Variants in MAPK8IP3 observed in about 807,000 individuals in gnomAD.
The protein encoded by MAPK8IP3 is mitogen-activated protein kinase 8 interacting protein 3.
A neutral mutation model predicts 157.8 loss-of-function variants in MAPK8IP3; 49 were observed. The observed-to-expected ratio is 0.31, with a 90% CI of 0.25 to 0.39. The LOEUF is 0.39. Among genes scored for constraint, MAPK8IP3 ranks in the 10% least tolerant of loss-of-function variants. The pLI, the probability that MAPK8IP3 is intolerant of heterozygous loss-of-function variation, is 1.00. For synonymous variants in MAPK8IP3, 897 were observed against 777.7 expected, an observed-to-expected ratio of 1.15 and a Z score of -2.55; for missense variants, 1,478 against 1,889.4, an observed-to-expected ratio of 0.78 and a Z score of 4.04.
intron 1 of MAPK8IP3, among the ~76,000 whole-genome samples, chr16:1,718,661 G>A (rs1367727309): frequency 1.3e-5 from 2 of 151,822 alleles, no homozygotes; most frequent in Non-Finnish European, 2.9e-5. Flanking sequence ...GGGCATGGTG[G>A]TGGGCACCTG....
chr16:1,712,054 T>G (rs1284689526), intron 1 of MAPK8IP3, among the ~76,000 whole-genome samples: 17 of 103,454 alleles, frequency 1.6e-4, no homozygotes, highest in Non-Finnish European at 3.2e-4. Context: ...AGGAGTTCTT[T>G]TTTTTTTTTT....
rs1419974123 is a variant in MAPK8IP3 at position 1,724,288 on chromosome 16, C to T, written c.319-269C>T. ...AATTGGAAACAACAGGCTCCCTTCA[C>T]AGCAAATCCTCCCGGGAGAGGAGGG... On this transcript the variant is annotated intron_variant, in intron 1 of 31. Transcript: ENST00000610761. The surrounding 1 kb of genome is among the most constrained non-coding windows in gnomAD (Gnocchi z 4.1). Among the ~76,000 whole-genome samples, 3 of 152,258 alleles carry T rather than the reference C, an allele frequency of 2.0e-5. No homozygotes were observed. Among genetic ancestry groups the T allele is most frequent in the Non-Finnish European group, 4.4e-5 (3 of 68,046 alleles).
chr16:1,760,805 G>C (rs1042278929), intron 12 of MAPK8IP3, among the ~76,000 whole-genome samples: 1 of 152,210 alleles, frequency 6.6e-6, no homozygotes, highest in Admixed American at 6.5e-5. Flanking sequence ...GATCAGCCAA[G>C]GTTTGGCCAC....
At position 1,766,916 on chromosome 16, in the gene MAPK8IP3, C is replaced by A; in HGVS notation, c.3033C>A (p.Gly1011=). The A allele has an allele frequency of 2.5e-6, 4 of 1,601,134 alleles. No homozygotes were observed. Among genetic ancestry groups the A allele is most frequent in the Non-Finnish European group, 3.4e-6 (4 of 1,172,058 alleles). ...DSVLSLVHVK[G]RVLVALADGT... Reference sequence around the variant, plus strand: ...ATTCCTGTTTCAGGCATGTCAAAGGCCGTGTGCTGGTGGCTCTGGCGGACG... The same window carrying A: ...ATTCCTGTTTCAGGCATGTCAAAGGACGTGTGCTGGTGGCTCTGGCGGACG... The change falls in exon 25 of 32, where the codon GGC becomes GGA. Residue 1011 remains glycine, a synonymous_variant. Transcript: ENST00000610761.
chr16:1,757,583 CCCT>C (rs2041683278), intron 8 of MAPK8IP3, among the ~76,000 whole-genome samples: 1 of 152,204 alleles, frequency 6.6e-6, no homozygotes, highest in South Asian at 2.1e-4. Context: ...CGCTCCCCAG[CCCT>C]CCTCTGCTTT....
At chr16:1,734,047 G>T (rs1170737134) in intron 4 of MAPK8IP3, among the ~76,000 whole-genome samples, 1 of 152,258 alleles carries the variant, frequency 6.6e-6, no homozygotes, top group East Asian at 1.9e-4. Context: ...CTGTGGGAGA[G>T]GGAGGGGTCT....
chr16:1,757,537 G>A (rs1197377257), intron 8 of MAPK8IP3, among the ~76,000 whole-genome samples: 9 of 152,174 alleles, frequency 5.9e-5, no homozygotes, highest in Admixed American at 5.9e-4. Context: ...GTGCAGGGAG[G>A]GGCCAGGACC....
chr16:1,744,689 G>C (rs1036151505), intron 5 of MAPK8IP3: 1 of 985,350 alleles, frequency 1.0e-6, no homozygotes, highest in Non-Finnish European at 1.2e-6. Context: ...CTTGCTTGAC[G>C]CTCTCTGGCC....
chr16:1,745,919 G>C (rs1394044960), intron 5 of MAPK8IP3: 1 of 152,340 alleles, frequency 6.6e-6, no homozygotes, highest in African/African-American at 2.4e-5. Context: ...GCAGAGGTCA[G>C]CACTGGCCAT....
intron 8 of MAPK8IP3, among the ~76,000 whole-genome samples, chr16:1,753,449 A>ATT (rs200777924): frequency 6.7e-6 from 1 of 150,142 alleles, no homozygotes; most frequent in African/African-American, 2.5e-5. Context: ...TTATTTATTT[A>ATT]TTTATTTTTG....
In MAPK8IP3 at chr16:1,761,215, T is replaced by C; in HGVS notation, c.1458-9T>C. On this transcript the variant is annotated splice_polypyrimidine_tract_variant and intron_variant, in intron 12 of 31. Coordinates refer to ENST00000610761, the MANE Select transcript of MAPK8IP3 (RefSeq NM_001318852.2). ...CCTCACCCTCCCTGCCTCCTTCCCC[T>C]TCCCACAGAGTGAAGTCCGAGGCCA... is the stretch of plus-strand genomic sequence containing the variant. The C allele has an allele frequency of 6.2e-7, 1 of 1,612,986 alleles. No individual in the cohort carries two copies. The highest frequency in any genetic ancestry group is 1.3e-5 in the African/African-American group (1 of 75,008).
chr16:1,768,668 G>T, intron 31 of MAPK8IP3, 35 bp from the exon 32 acceptor site: 2 of 1,611,108 alleles, frequency 1.2e-6, no homozygotes, highest in Non-Finnish European at 1.7e-6. Context: ...GGGCGCGGGG[G>T]GAGCCTGGCC....
Position 1,768,986 on chromosome 16 carries a change from G to T in MAPK8IP3, c.*162G>T. The T allele has an allele frequency of 2.6e-6, 2 of 781,612 alleles. No individual in the cohort carries two copies. Among genetic ancestry groups the T allele is most frequent in the Non-Finnish European group, 2.0e-6 (1 of 495,440 alleles). The allele number at this position is 781,612 out of a possible 1,614,324, so 48.4% of individuals were successfully genotyped here. On this transcript the variant is annotated 3_prime_UTR_variant, in exon 32 of 32. Transcript: ENST00000610761. ...CCCTCCAGCGGGCAGGGAGTGCGGG[G>T]ATGCGGATCAGCTGGGAGGAGGAGG...
At chr16:1,763,618 A>T (rs1050241690) in intron 16 of MAPK8IP3, 39 bp from the exon 17 acceptor site, 2 of 1,496,424 alleles carry the variant, frequency 1.3e-6, no homozygotes, top group Non-Finnish European at 1.8e-6. Context: ...GGGGCCGCTC[A>T]CCCTGGACAG....
At chr16:1,767,325 G>T in intron 26 of MAPK8IP3, 28 bp downstream of exon 26, 1 of 1,611,544 alleles carries the variant, frequency 6.2e-7, no homozygotes. Flanking sequence ...CCCCGGGGAG[G>T]GGAAGAGGCT....
intron 5 of MAPK8IP3, 77 bp from the exon 6 acceptor site, chr16:1,746,952 C>G: frequency 6.5e-7 from 1 of 1,531,854 alleles, no homozygotes; most frequent in Non-Finnish European, 8.8e-7. Flanking sequence ...TGCGCGGGGC[C>G]TCAGGCAGCC....
chr16:1,706,231 C>CA lies in MAPK8IP3; in HGVS notation c.-108dup. ...CGGCGGCGGCGGAGCCCTGAGGCGA[C>CA]AGCAGCTGCGGGAGGCGACGGGCTG... On this transcript the variant is annotated 5_prime_UTR_variant, in exon 1 of 32. Transcript: ENST00000610761. The surrounding 1 kb of genome is among the most constrained non-coding windows in gnomAD (Gnocchi z 5.1). The CA allele has an allele frequency of 9.8e-7, 1 of 1,024,738 alleles. No individual in the cohort carries two copies. Among genetic ancestry groups the CA allele is most frequent in the Non-Finnish European group, 1.3e-6 (1 of 762,640 alleles). The allele number at this position is 1,024,738 out of a possible 1,614,324, so 63.5% of individuals were successfully genotyped here.
At chr16:1,760,642 C>A in intron 12 of MAPK8IP3, 110 bp downstream of exon 12, 1 of 1,337,668 alleles carries the variant, frequency 7.5e-7, no homozygotes, top group East Asian at 2.5e-5. Flanking sequence ...CTGTGCATAG[C>A]CTACCTACCT....
At chr16:1,739,143 T>TGA in intron 4 of MAPK8IP3, among the ~76,000 whole-genome samples, 1 of 135,370 alleles carries the variant, frequency 7.4e-6, no homozygotes, top group Non-Finnish European at 1.6e-5. Context: ...TGACCGTCCG[T>TGA]GTGTGTGACC....
Sources: gnomAD v4.1 joint callset for allele counts (sites outside exome capture counted in the v4.1 genomes callset) on GRCh38, gnomAD v4.1.1 for gene constraint, Gnocchi (gnomAD v3.1) non-coding constraint, MANE v1.5 for transcripts, NCBI Gene and HGNC (gene_info 2026-07-23, HGNC 2026-07-21) for gene names.